The following ANK2 variants were observed in gnomAD, a reference collection of about 807,000 sequenced individuals.
The protein encoded by ANK2 is ankyrin-2.
ANK2 carries 83 observed loss-of-function variants against 360.5 expected under a neutral mutation model. The observed-to-expected ratio is 0.23, with a 90% CI of 0.19 to 0.28. ANK2 has a LOEUF of 0.28. Ranked by LOEUF, ANK2 falls within the 10% of genes least tolerant of loss-of-function variation. ANK2 has a pLI of 1.00. For missense variants in ANK2, 4,201 were observed against 4,795.7 expected (o/e 0.88, Z 3.66); for synonymous variants, 1,740 against 1,759.5 (o/e 0.99, Z 0.28).
intron 1 of ANK2, among the ~76,000 whole-genome samples, chr4:113,150,698 T>A (rs1196987434): frequency 2.0e-5 from 3 of 152,104 alleles, no homozygotes; most frequent in Non-Finnish European, 4.4e-5. Flanking sequence ...GGCAGAAAAG[T>A]TAAGTCCTGA....
In ANK2 at chr4:113,177,371, C is replaced by T. The variant is rs564043475; in HGVS notation, c.186+2854C>T. Among the ~76,000 whole-genome samples, 189 of 152,310 alleles carry T rather than the reference C, an allele frequency of 1.2e-3. 3 individuals carry two copies. Among genetic ancestry groups the T allele is most frequent in the Admixed American group, 5.9e-4 (9 of 15,294 alleles). On this transcript the variant is annotated intron_variant, in intron 2 of 45. Transcript: ENST00000357077. ...CTGGGATTACAGGCGTGAGCCACCGCGCCCGGCCAAACTTAGGTTTCTTTA... is the reference window on the plus strand; with the variant it reads ...CTGGGATTACAGGCGTGAGCCACCGTGCCCGGCCAAACTTAGGTTTCTTTA...
At chr4:112,713,773 T>G in the ANK2 span, among the ~76,000 whole-genome samples, 1 of 144,858 alleles carries the variant, frequency 6.9e-6, no homozygotes, top group Non-Finnish European at 1.5e-5. Context: ...CTACTAAAAA[T>G]GCAAAAAAAA....
chr4:113,336,436 T>C (rs1012397677), intron 30 of ANK2, 141 bp from the exon 31 acceptor site: 16 of 828,544 alleles, frequency 1.9e-5, no homozygotes, highest in African/African-American at 3.5e-5. Flanking sequence ...GAACTTATGA[T>C]TGCCATATTT....
At chr4:113,091,615 G>A (rs183914136) in intron 1 of ANK2, among the ~76,000 whole-genome samples, 45 of 152,312 alleles carry the variant, frequency 3.0e-4, no homozygotes, top group South Asian at 8.3e-4. Flanking sequence ...GCTTTTAATA[G>A]CAGTAGCTAA....
chr4:113,009,024 C>A (rs574818932), intron 2 of ANK2, among the ~76,000 whole-genome samples: 186 of 152,308 alleles, frequency 1.2e-3, no homozygotes, highest in Middle Eastern at 3.4e-3. Flanking sequence ...AGTTACAGTA[C>A]AACACACCTA....
At chr4:113,084,578 T>C (rs2083741573) in intron 1 of ANK2, among the ~76,000 whole-genome samples, 1 of 152,220 alleles carries the variant, frequency 6.6e-6, no homozygotes, top group Non-Finnish European at 1.5e-5. Context: ...AAATTAAAAA[T>C]AGTTTTTCCT....
chr4:112,917,391 G>A (rs1314727408), intron 2 of ANK2, among the ~76,000 whole-genome samples: 2 of 152,146 alleles, frequency 1.3e-5, no homozygotes, highest in African/African-American at 4.8e-5. Flanking sequence ...ATGTCCTGAA[G>A]CAATATACTT....
intron 26 of ANK2, among the ~76,000 whole-genome samples, chr4:113,321,756 G>A (rs28551572): frequency 0.06 from 9,077 of 152,074 alleles, 915 homozygotes; most frequent in African/African-American, 0.2. Context: ...AAAAGGAGAC[G>A]AAGTCTTACT....
intron 2 of ANK2, among the ~76,000 whole-genome samples, chr4:112,981,458 G>A (rs1228481417): frequency 6.6e-6 from 1 of 152,236 alleles, no homozygotes; most frequent in Non-Finnish European, 1.5e-5. Context: ...GTCTGGATTA[G>A]GGTGATAACC....
rs1264497805 is a variant in ANK2, at chr4:113,255,980, A to C, written c.1188+48A>C. ...TAACTGAATACAGATTGAGACAAAC[A>C]AACCCACATTCATTGACCAACATGC... On this transcript the variant is annotated intron_variant, in intron 11 of 45. Coordinates refer to ENST00000357077, the MANE Select transcript of ANK2 (RefSeq NM_001148.6). The C allele has an allele frequency of 2.5e-6, 4 of 1,583,194 alleles. No individual in the cohort carries two copies. The Admixed American group carries it at 6.7e-5, about 26-fold the overall frequency.
In ANK2 at chr4:113,277,015, G is replaced by A. The variant is rs29390; in HGVS notation, c.1684-822G>A. ...ATGGTGTAGGAACTGTGCCATCCTC[G>A]AGATCTTAGTCCAGAGACTTATCTG... On this transcript the variant is annotated intron_variant, in intron 15 of 45. Transcript: ENST00000357077. Among the ~76,000 whole-genome samples, 514 of 152,272 alleles carry A rather than the reference G, an allele frequency of 3.4e-3. 16 individuals are homozygous for A. The East Asian group carries it at 0.068, about 20-fold the overall frequency.
At chr4:112,881,733 G>T in intron 1 of ANK2, 2 of 594,946 alleles carry the variant, frequency 3.4e-6, no homozygotes, top group Admixed American at 2.4e-5. Context: ...CACTGCCTCA[G>T]TCAGTGATGA....
intron 1 of ANK2, among the ~76,000 whole-genome samples, chr4:113,072,789 G>T: frequency 9.2e-6 from 1 of 108,332 alleles, no homozygotes; most frequent in Admixed American, 1.2e-4. Flanking sequence ...TCCAGCAAGT[G>T]TTTAATCTTT....
At chr4:113,097,866 G>GTATATA (rs1376914844) in intron 1 of ANK2, among the ~76,000 whole-genome samples, 18 of 108,814 alleles carry the variant, frequency 1.7e-4, no homozygotes, top group South Asian at 1.6e-3. Flanking sequence ...GTGTGTGTGT[G>GTATATA]TATATATATG....
chr4:112,778,170 A>G, the ANK2 span, among the ~76,000 whole-genome samples: 3 of 151,170 alleles, frequency 2.0e-5, no homozygotes, highest in Non-Finnish European at 4.4e-5. Context: ...GGGTTTTGCC[A>G]TGTTGACCAG....
chr4:113,176,131 C>A (rs889635710), intron 2 of ANK2, among the ~76,000 whole-genome samples: 10 of 152,160 alleles, frequency 6.6e-5, no homozygotes, highest in African/African-American at 2.4e-4. Context: ...TATGGGCATC[C>A]ATCATTGGTC....
chr4:112,969,743 C>T (rs1259365432), intron 2 of ANK2, among the ~76,000 whole-genome samples: 1 of 152,088 alleles, frequency 6.6e-6, no homozygotes. Context: ...GTAGAGTGAG[C>T]CAATATCTTC....
the ANK2 span, among the ~76,000 whole-genome samples, chr4:112,793,147 A>G: frequency 6.6e-6 from 1 of 152,162 alleles, no homozygotes; most frequent in Non-Finnish European, 1.5e-5. Context: ...AAATTTTTAG[A>G]TCTTGTGATG....
intron 17 of ANK2, among the ~76,000 whole-genome samples, chr4:113,280,716 A>T (rs954035956): frequency 1.2e-4 from 18 of 152,156 alleles, no homozygotes; most frequent in Non-Finnish European, 2.4e-4. Context: ...CTCTTTGTGG[A>T]GTAAGAGGGC....
Sources: gnomAD v4.1 joint callset for allele counts (sites outside exome capture counted in the v4.1 genomes callset) on GRCh38, gnomAD v4.1.1 for gene constraint, MANE v1.5 for transcripts, NCBI Gene and HGNC (gene_info 2026-07-23, HGNC 2026-07-21) for gene names.